Variants in RASA3 observed in about 807,000 individuals in gnomAD.
The protein encoded by RASA3 is RAS p21 protein activator 3, also known as ras GTPase-activating protein 3.
A neutral mutation model predicts 110.0 loss-of-function variants in RASA3; 73 were observed. That is an observed-to-expected ratio of 0.66 (90% CI 0.55 to 0.81). RASA3 has a LOEUF of 0.81. Ranked by LOEUF, RASA3 falls within the 30% of genes least tolerant of loss-of-function variation. RASA3 has a pLI of 0.00. For missense variants in RASA3, 976 were observed against 1,113.2 expected (o/e 0.88, Z 1.75); for synonymous variants, 500 against 451.4 (o/e 1.11, Z -1.37).
chr13:114,010,172 C>G (rs572370884), intron 16 of RASA3, among the ~76,000 whole-genome samples: 22 of 152,180 alleles, frequency 1.4e-4, no homozygotes, highest in African/African-American at 5.1e-4. Flanking sequence ...TTTACTCACT[C>G]GGACTCAGAG....
At chr13:114,042,547 C>T (rs1205537253) in intron 3 of RASA3, among the ~76,000 whole-genome samples, 12 of 152,250 alleles carry the variant, frequency 7.9e-5, no homozygotes, top group South Asian at 2.1e-4. Context: ...CCCGCAGACC[C>T]GGTTCACCGC....
chr13:113,999,602 ACTC>A lies in RASA3; in HGVS notation c.1912_1914del (p.Glu638del). The stretch of plus-strand genomic sequence containing the variant: ...ACACTCACGTTTTTCATTTTGAAAG[ACTC>A]CTCCTCCAGCTTCTCCACTGCCAGG... On this transcript the variant is annotated inframe_deletion, in exon 20 of 24. Transcript: ENST00000334062. The A allele has an allele frequency of 6.2e-7, 1 of 1,610,920 alleles. No individual in the cohort carries two copies.
chr13:113,993,557 C>T (rs2053166073), intron 21 of RASA3, among the ~76,000 whole-genome samples: 1 of 151,622 alleles, frequency 6.6e-6, no homozygotes, highest in African/African-American at 2.4e-5. Flanking sequence ...CTGTAGTCCC[C>T]ACACTTTTGG....
intron 1 of RASA3, among the ~76,000 whole-genome samples, chr13:114,124,386 C>T (rs1470716153): frequency 6.6e-6 from 1 of 152,248 alleles, no homozygotes; most frequent in African/African-American, 2.4e-5. Flanking sequence ...AACAAAATCT[C>T]CCAGACACTC....
At chr13:114,058,513 C>A (rs193040618) in intron 2 of RASA3, among the ~76,000 whole-genome samples, 1 of 152,388 alleles carries the variant, frequency 6.6e-6, no homozygotes, top group Non-Finnish European at 1.5e-5. Context: ...TTGGGCCATG[C>A]CAGTCCTAGA....
chr13:114,056,917 C>G lies in RASA3; in HGVS notation c.174-4762G>C, dbSNP rs1392912315. On this transcript the variant is annotated intron_variant, in intron 2 of 23. Coordinates refer to ENST00000334062, the MANE Select transcript of RASA3 (RefSeq NM_007368.4). This position sits in a 1 kb window ranked among gnomAD's most constrained non-coding sequence, Gnocchi z 5.7. ...AATTTCTCCAGCAATGGCTTTAGAA[C>G]CTTGCTCCTGAATCGCAGCAGGGGA... Among the ~76,000 whole-genome samples the G allele has an allele frequency of 6.6e-6, 1 of 152,164 alleles. No individual in the cohort carries two copies. The highest frequency in any genetic ancestry group is 2.4e-5 in the African/African-American group (1 of 41,436).
chr13:113,998,352 C>A (rs1245795243), intron 20 of RASA3, among the ~76,000 whole-genome samples: 3 of 152,232 alleles, frequency 2.0e-5, no homozygotes, highest in Non-Finnish European at 4.4e-5. Flanking sequence ...AAACTTATGC[C>A]TTTTGCAGGA....
rs1454130737 is a variant in RASA3, at chr13:114,065,575, C to G, written c.173+8145G>C. On this transcript the variant is annotated intron_variant, in intron 2 of 23. Coordinates refer to ENST00000334062, the MANE Select transcript of RASA3 (RefSeq NM_007368.4). This position sits in a 1 kb window ranked among gnomAD's most constrained non-coding sequence, Gnocchi z 4.1. ...GAAAATGCTCCATCTCCGCAAAGGA[C>G]AGGAGGCAAAACACACCCATCAGAA... is the stretch of plus-strand genomic sequence containing the variant. Among the ~76,000 whole-genome samples the G allele has an allele frequency of 1.3e-5, 2 of 152,168 alleles. No individual in the cohort carries two copies. Among genetic ancestry groups the G allele is most frequent in the Admixed American group, 1.3e-4 (2 of 15,276 alleles).
At chr13:114,001,491 G>A (rs9562073) in intron 18 of RASA3, among the ~76,000 whole-genome samples, 49,247 of 127,802 alleles carry the variant, frequency 0.39, 8,644 homozygotes, top group Middle Eastern at 0.5. Flanking sequence ...ACCTACAGGC[G>A]CGGGCTCGGG....
chr13:114,019,483 T>C (rs1429001736), intron 9 of RASA3, among the ~76,000 whole-genome samples: 1 of 152,304 alleles, frequency 6.6e-6, no homozygotes, highest in East Asian at 1.9e-4. Context: ...CTCAGGTGGG[T>C]GGAGCCTGTG....
rs1185373709 is a variant in RASA3, at chr13:114,114,694, T to C, written c.55+17741A>G. On this transcript the variant is annotated intron_variant, in intron 1 of 23. Transcript: ENST00000334062. The surrounding 1 kb of genome is among the most constrained non-coding windows in gnomAD (Gnocchi z 4.8). The stretch of plus-strand genomic sequence containing the variant: ...TTCATCCTTCGCCGACCTTTGTTTA[T>C]GGGTAACCCTTGATAACATGTGGGC... Among the ~76,000 whole-genome samples, 1 of 152,244 alleles carries C rather than the reference T, an allele frequency of 6.6e-6. No individual in the cohort carries two copies. The highest frequency in any genetic ancestry group is 1.9e-4 in the East Asian group (1 of 5,202).
In RASA3 at chr13:114,014,038, C is replaced by T. The variant is rs1174101680; in HGVS notation, c.1406-790G>A. On this transcript the variant is annotated intron_variant, in intron 14 of 23. Transcript: ENST00000334062. This position sits in a 1 kb window ranked among gnomAD's most constrained non-coding sequence, Gnocchi z 4.5. ...TCTCTCCATCTCTCTCTCTCCGTCT[C>T]TATCTCTCTCTCCGTCTGTCTCTGC... 2.4e-5 allele frequency among the ~76,000 whole-genome samples: 3 copies of T among 123,920 alleles called. No individual in the cohort carries two copies. Among genetic ancestry groups the T allele is most frequent in the Admixed American group, 2.4e-4 (3 of 12,540 alleles). The allele number at this position is 123,920 out of a possible 152,430, so 81.3% of individuals were successfully genotyped here.
chr13:114,101,966 G>A (rs1031232877), intron 1 of RASA3, among the ~76,000 whole-genome samples: 1 of 152,142 alleles, frequency 6.6e-6, no homozygotes, highest in African/African-American at 2.4e-5. Flanking sequence ...AGTGGGGAGC[G>A]GGGGTCTCAG....
At chr13:114,069,562 T>C (rs1412770420) in intron 2 of RASA3, among the ~76,000 whole-genome samples, 9 of 4,222 alleles carry the variant, frequency 2.1e-3, no homozygotes, top group Admixed American at 0.011. Flanking sequence ...ACTCGGGGGT[T>C]GGGAGACTTG....
intron 3 of RASA3, among the ~76,000 whole-genome samples, chr13:114,042,809 C>A (rs1244602652): frequency 1.3e-5 from 2 of 152,246 alleles, no homozygotes; most frequent in African/African-American, 2.4e-5. Flanking sequence ...TCAGTAAATT[C>A]GGGAACACTC....
chr13:114,060,579 A>G (rs931253750), intron 2 of RASA3, among the ~76,000 whole-genome samples: 14 of 152,166 alleles, frequency 9.2e-5, no homozygotes, highest in African/African-American at 2.4e-4. Context: ...GGGAAGCCAG[A>G]GGGGCTCCTG....
chr13:114,117,152 G>C, intron 1 of RASA3, among the ~76,000 whole-genome samples: 1 of 125,918 alleles, frequency 7.9e-6, no homozygotes, highest in Non-Finnish European at 1.7e-5. Flanking sequence ...GAGCACGTGT[G>C]TGAGGGGTGC....
chr13:114,113,044 G>A (rs2080238831), intron 1 of RASA3, among the ~76,000 whole-genome samples: 2 of 152,186 alleles, frequency 1.3e-5, no homozygotes, highest in Non-Finnish European at 2.9e-5. Context: ...CCATGCACGG[G>A]AAGCCTTTCC....
At chr13:114,066,578 C>T (rs548866776) in intron 2 of RASA3, among the ~76,000 whole-genome samples, 1 of 152,372 alleles carries the variant, frequency 6.6e-6, no homozygotes, top group African/African-American at 2.4e-5. Context: ...GCCGATGAGT[C>T]CCTTCCAGGC....
Sources: gnomAD v4.1 joint callset for allele counts (sites outside exome capture counted in the v4.1 genomes callset) on GRCh38, gnomAD v4.1.1 for gene constraint, Gnocchi (gnomAD v3.1) non-coding constraint, MANE v1.5 for transcripts, NCBI Gene and HGNC (gene_info 2026-07-23, HGNC 2026-07-21) for gene names.